SNX7: variants seen among roughly 807,000 people sequenced by gnomAD.
The protein encoded by SNX7 is sorting nexin 7.
In SNX7, 35 loss-of-function variants were observed where a neutral mutation model predicts 48.4. The ratio of observed to expected loss-of-function variants is 0.72; its 90% CI spans 0.55 to 0.96. The LOEUF is 0.96. SNX7 is among the 40% of genes least tolerant of loss of function. The pLI is 0.00. For synonymous variants in SNX7, 190 were observed against 190.2 expected, an observed-to-expected ratio of 1.00 and a Z score of 0.01; for missense variants, 553 against 548.9, an observed-to-expected ratio of 1.01 and a Z score of -0.07.
intron 7 of SNX7, among the ~76,000 whole-genome samples, chr1:98,720,368 G>T (rs1570567845): frequency 6.6e-6 from 1 of 151,886 alleles, no homozygotes; most frequent in Non-Finnish European, 1.5e-5. Context: ...AATTGAATTT[G>T]CCTCAGGCTA....
At chr1:98,671,689 ATCTC>A (rs1410329362) in intron 1 of SNX7, among the ~76,000 whole-genome samples, 1 of 152,046 alleles carries the variant, frequency 6.6e-6, no homozygotes, top group Non-Finnish European at 1.5e-5. Flanking sequence ...CTTACAGTTA[ATCTC>A]TGTTTTCTCT....
intron 1 of SNX7, among the ~76,000 whole-genome samples, chr1:98,671,589 T>A (rs980075750): frequency 6.6e-6 from 1 of 152,098 alleles, no homozygotes; most frequent in Admixed American, 6.5e-5. Context: ...GGTGAATGAT[T>A]TTTTTAAGAT....
intron 2 of SNX7, among the ~76,000 whole-genome samples, chr1:98,686,466 A>G (rs182680194): frequency 6.6e-6 from 1 of 152,282 alleles, no homozygotes; most frequent in Admixed American, 6.5e-5. Context: ...ATGTGAATAG[A>G]TGTTTATTTG....
chr1:98,700,051 C>T (rs1210076178), intron 6 of SNX7, among the ~76,000 whole-genome samples: 1 of 152,038 alleles, frequency 6.6e-6, no homozygotes, highest in Non-Finnish European at 1.5e-5. Flanking sequence ...AGTGTTTTCT[C>T]CTATATTATA....
At chr1:98,755,329 A>C (rs1021297533) in intron 8 of SNX7, among the ~76,000 whole-genome samples, 1 of 152,038 alleles carries the variant, frequency 6.6e-6, no homozygotes, top group Non-Finnish European at 1.5e-5. Flanking sequence ...TGTGGTTCAG[A>C]TCTTATATAT....
At chr1:98,689,690 A>C (rs1651006217) in intron 2 of SNX7, among the ~76,000 whole-genome samples, 1 of 152,226 alleles carries the variant, frequency 6.6e-6, no homozygotes, top group Non-Finnish European at 1.5e-5. Flanking sequence ...TACCCGGTAC[A>C]AGGAGATGCT....
At chr1:98,748,334 C>T (rs1166363227) in intron 8 of SNX7, among the ~76,000 whole-genome samples, 1 of 151,860 alleles carries the variant, frequency 6.6e-6, no homozygotes, top group African/African-American at 2.4e-5. Flanking sequence ...TCTCATCAGT[C>T]CCCTATATTC....
chr1:98,709,680 T>G (rs1358972018), intron 7 of SNX7, among the ~76,000 whole-genome samples: 1 of 152,242 alleles, frequency 6.6e-6, no homozygotes, highest in African/African-American at 2.4e-5. Context: ...TAGTGTATTT[T>G]CAGCTTGTAC....
chr1:98,669,978 A>C (rs964825804), intron 1 of SNX7, among the ~76,000 whole-genome samples: 1 of 152,256 alleles, frequency 6.6e-6, no homozygotes, highest in Non-Finnish European at 1.5e-5. Flanking sequence ...GAATAAATAC[A>C]TAAATGAATG....
In SNX7 at chr1:98,666,292, C is replaced by G. The variant is rs529260275; in HGVS notation, c.180+4381C>G. ...GGGAAAAAGCTATTAGCATCCCTAG[C>G]TTTAAAGGGACAAGAAATGGAAATA... On this transcript the variant is annotated intron_variant, in intron 1 of 8. Transcript: ENST00000306121. 3.9e-5 allele frequency among the ~76,000 whole-genome samples: 6 copies of G among 152,308 alleles called. 1 individual carries two copies. In the South Asian group the frequency reaches 8.3e-4, roughly 21 times the overall value.
rs1400436897 is a variant in SNX7, at chr1:98,745,433, T to TA, written c.1278+7045dup. Among the ~76,000 whole-genome samples, 5 of 152,136 alleles carry TA rather than the reference T, an allele frequency of 3.3e-5. 1 individual carries two copies. The highest frequency in any genetic ancestry group is 6.8e-3 in the Middle Eastern group (2 of 294). On this transcript the variant is annotated intron_variant, in intron 8 of 8. Transcript: ENST00000306121. ...TTTTACAGTCATGCCTCCTAATAGT[T>TA]ACTGAAGCCTGACCTAAACCCTAGA... is the stretch of plus-strand genomic sequence containing the variant.
intron 1 of SNX7, among the ~76,000 whole-genome samples, chr1:98,664,221 G>T (rs1040584331): frequency 6.6e-6 from 1 of 152,096 alleles, no homozygotes; most frequent in Non-Finnish European, 1.5e-5. Context: ...TAGATTATTT[G>T]TGAATATGTG....
chr1:98,674,906 G>T (rs1274394221), intron 1 of SNX7, among the ~76,000 whole-genome samples: 1 of 152,148 alleles, frequency 6.6e-6, no homozygotes, highest in Non-Finnish European at 1.5e-5. Flanking sequence ...ACTTTCTTGT[G>T]TGTGTGCATT....
chr1:98,706,603 A>G (rs1652020159), intron 7 of SNX7, among the ~76,000 whole-genome samples: 4 of 152,214 alleles, frequency 2.6e-5, no homozygotes, highest in Admixed American at 2.6e-4. Context: ...AGAAAGCACA[A>G]GATGATGTGC....
At chr1:98,712,322 C>T (rs4294439) in intron 7 of SNX7, among the ~76,000 whole-genome samples, 43,924 of 151,952 alleles carry the variant, frequency 0.29, 6,860 homozygotes, top group Non-Finnish European at 0.34. Flanking sequence ...GCAGCTACAG[C>T]CTGACAAAAT....
At chr1:98,680,549 G>A (rs1299440372) in intron 1 of SNX7, among the ~76,000 whole-genome samples, 2 of 152,176 alleles carry the variant, frequency 1.3e-5, no homozygotes, top group South Asian at 2.1e-4. Flanking sequence ...TTTATGCTCC[G>A]CTTCCCTTGT....
At chr1:98,669,921 C>A (rs1257992459) in intron 1 of SNX7, among the ~76,000 whole-genome samples, 2 of 152,118 alleles carry the variant, frequency 1.3e-5, no homozygotes, top group Admixed American at 6.5e-5. Flanking sequence ...TGTCTGTTTT[C>A]AATAGATTAA....
chr1:98,693,883 G>T (rs1187978730), intron 4 of SNX7, among the ~76,000 whole-genome samples: 2 of 152,084 alleles, frequency 1.3e-5, no homozygotes, highest in African/African-American at 4.8e-5. Context: ...CCAAGCTTGT[G>T]TCTCAACAAG....
intron 7 of SNX7, among the ~76,000 whole-genome samples, chr1:98,733,831 C>T (rs1203405171): frequency 1.3e-5 from 2 of 152,040 alleles, no homozygotes; most frequent in Non-Finnish European, 2.9e-5. Context: ...AGTCCCATTT[C>T]AGATGAACTG....
Sources: gnomAD v4.1 joint callset for allele counts (sites outside exome capture counted in the v4.1 genomes callset) on GRCh38, gnomAD v4.1.1 for gene constraint, MANE v1.5 for transcripts, NCBI Gene and HGNC (gene_info 2026-07-23, HGNC 2026-07-21) for gene names.